The following FREM2 variants were observed in gnomAD, a reference collection of about 807,000 sequenced individuals.
The protein encoded by FREM2 is FRAS1-related extracellular matrix protein 2.
In FREM2, 119 loss-of-function variants were observed where a neutral mutation model predicts 219.9. The observed-to-expected ratio is 0.54, with a 90% CI of 0.47 to 0.63. The LOEUF (loss-of-function observed/expected upper bound fraction) is 0.63. FREM2 is among the 30% of genes least tolerant of loss of function. The pLI, the probability that FREM2 is intolerant of heterozygous loss-of-function variation, is 0.00. For synonymous variants in FREM2, 1,562 were observed against 1,522.8 expected (o/e 1.03, Z -0.60); for missense variants, 4,030 against 3,993.6 (o/e 1.01, Z -0.25).
At chr13:38,841,142 A>G (rs1223949304) in intron 6 of FREM2, among the ~76,000 whole-genome samples, 3 of 152,210 alleles carry the variant, frequency 2.0e-5, no homozygotes, top group Non-Finnish European at 2.9e-5. Flanking sequence ...TTAATATAGT[A>G]CACACCTCAG....
At chr13:38,822,080 A>C (rs1478247967) in intron 6 of FREM2, 1 of 152,174 alleles carries the variant, frequency 6.6e-6, no homozygotes, top group Non-Finnish European at 1.5e-5. Context: ...ACAATTCAGC[A>C]GTTCCTGAGT....
chr13:38,848,564 G>A lies in FREM2; in HGVS notation c.6273G>A (p.Ala2091=), dbSNP rs769687764. 1.9e-4 allele frequency: 300 copies of A among 1,613,930 alleles called. 1 individual carries two copies. Among genetic ancestry groups the A allele is most frequent in the Middle Eastern group, 3.3e-4 (2 of 6,082 alleles). The stretch of plus-strand genomic sequence containing the variant: ...TTCTGGATGACCTTGGACAACCAGC[G>A]CTGGAGGGAATTGAGAAATTTGAAC... ...VVILDDLGQP[A]LEGIEKFELV... is the part of the protein sequence containing the mutation. Residue 2091 remains alanine (A), a synonymous_variant, in exon 8 of 24, where the codon GCG becomes GCA. Coordinates refer to ENST00000280481, the MANE Select transcript of FREM2 (RefSeq NM_207361.6).
At chr13:38,787,457 T>C (rs1228666622) in intron 6 of FREM2, among the ~76,000 whole-genome samples, 3 of 152,194 alleles carry the variant, frequency 2.0e-5, no homozygotes, top group South Asian at 4.1e-4. Context: ...TTGGTTTCCA[T>C]TGCCACCAAT....
intron 9 of FREM2, 108 bp from the exon 10 acceptor site, chr13:38,850,836 C>T: frequency 1.7e-6 from 2 of 1,210,276 alleles, no homozygotes; most frequent in Non-Finnish European, 2.4e-6. Context: ...CTATTTATTG[C>T]ACTGATACAG....
At chr13:38,728,526 C>G (rs1205607608) in intron 2 of FREM2, among the ~76,000 whole-genome samples, 2 of 151,996 alleles carry the variant, frequency 1.3e-5, no homozygotes, top group Non-Finnish European at 2.9e-5. Context: ...TAACCTCAGC[C>G]ACCAGAGTAG....
At chr13:38,708,900 C>T (rs1870647516) in intron 2 of FREM2, among the ~76,000 whole-genome samples, 1 of 152,084 alleles carries the variant, frequency 6.6e-6, no homozygotes, top group Non-Finnish European at 1.5e-5. Flanking sequence ...GCTGGGATTA[C>T]AGGTGCCCGC....
At position 38,690,362 on chromosome 13, in the gene FREM2, A is replaced by G. The variant is rs1427322999; in HGVS notation, c.3018A>G (p.Gln1006=). Residue 1006 remains glutamine, a synonymous_variant, in exon 1 of 24, where the codon CAA becomes CAG. Transcript: ENST00000280481. ...VNGIPAEQFT[Q]RDILEGSVVY... is the part of the protein sequence containing the mutation. ...GCATTCCAGCAGAGCAGTTTACTCAAAGGGACATCTTGGAGGGCTCTGTTG... is the reference window on the plus strand; with the variant it reads ...GCATTCCAGCAGAGCAGTTTACTCAGAGGGACATCTTGGAGGGCTCTGTTG... 3 of 1,614,216 alleles carry G rather than the reference A, an allele frequency of 1.9e-6. No homozygotes were observed. The highest frequency in any genetic ancestry group is 2.5e-6 in the Non-Finnish European group (3 of 1,180,040).
chr13:38,865,966 A>G (rs938504241), intron 16 of FREM2, among the ~76,000 whole-genome samples: 1 of 152,208 alleles, frequency 6.6e-6, no homozygotes, highest in Non-Finnish European at 1.5e-5. Flanking sequence ...TTCAATCCCT[A>G]GAAGAAAAAT....
At chr13:38,784,184 GT>G (rs953153674) in intron 5 of FREM2, among the ~76,000 whole-genome samples, 2 of 152,250 alleles carry the variant, frequency 1.3e-5, no homozygotes, top group African/African-American at 4.8e-5. Context: ...GTTACCAAAT[GT>G]GTAAAGCCAG....
intron 5 of FREM2, 49 bp downstream of exon 5, chr13:38,783,244 A>T: frequency 5.0e-6 from 8 of 1,603,570 alleles, no homozygotes; most frequent in Non-Finnish European, 6.8e-6. Flanking sequence ...AGATATAAAT[A>T]AGCCTTTTTA....
At chr13:38,768,404 G>A (rs1216276769) in intron 3 of FREM2, among the ~76,000 whole-genome samples, 2 of 152,018 alleles carry the variant, frequency 1.3e-5, no homozygotes, top group East Asian at 1.9e-4. Context: ...AGCCTCCCCA[G>A]TAGCAAGGAC....
rs559180366 is a variant in FREM2, at chr13:38,802,182, G to A, written c.6019+17374G>A. On this transcript the variant is annotated intron_variant, in intron 6 of 23. Transcript: ENST00000280481. ...ATAAGCGAGGTGGGGTTGTTCCCCC[G>A]CCACCAGTGGAGTGCTCAGGTGTGG... Among the ~76,000 whole-genome samples the A allele has an allele frequency of 3.3e-4, 50 of 152,300 alleles. No homozygotes were observed. In the South Asian group the frequency reaches 8.7e-3, roughly 26 times the overall value.
chr13:38,743,314 A>AAT (rs1021054082), intron 2 of FREM2, among the ~76,000 whole-genome samples: 7 of 151,216 alleles, frequency 4.6e-5, no homozygotes, highest in Non-Finnish European at 7.4e-5. Flanking sequence ...GAGATATTTT[A>AAT]ATATATATAT....
intron 6 of FREM2, among the ~76,000 whole-genome samples, chr13:38,809,072 T>C (rs1280666167): frequency 6.6e-6 from 1 of 151,868 alleles, no homozygotes; most frequent in Admixed American, 6.6e-5. Flanking sequence ...TAGGCTTTAT[T>C]TTTTCATTTT....
chr13:38,809,714 T>C (rs1374319729), intron 6 of FREM2, among the ~76,000 whole-genome samples: 3 of 152,128 alleles, frequency 2.0e-5, no homozygotes, highest in South Asian at 2.1e-4. Flanking sequence ...GTTAGTACCA[T>C]GCTGTTTTGA....
At chr13:38,824,872 T>C (rs1345666764) in intron 6 of FREM2, among the ~76,000 whole-genome samples, 1 of 151,956 alleles carries the variant, frequency 6.6e-6, no homozygotes, top group African/African-American at 2.4e-5. Flanking sequence ...ATAAAGGCAA[T>C]TGAGTTTTGG....
At chr13:38,755,094 G>A (rs550133592) in intron 2 of FREM2, among the ~76,000 whole-genome samples, 2 of 151,898 alleles carry the variant, frequency 1.3e-5, no homozygotes, top group South Asian at 2.1e-4. Flanking sequence ...GTAGATACAG[G>A]GTTTCACCAT....
intron 2 of FREM2, among the ~76,000 whole-genome samples, chr13:38,729,024 G>A (rs1015365577): frequency 3.9e-5 from 6 of 152,080 alleles, no homozygotes; most frequent in Non-Finnish European, 7.4e-5. Flanking sequence ...TAGTAGAGAC[G>A]GGGTTTCCCC....
chr13:38,762,216 T>G (rs1873253046), intron 2 of FREM2, among the ~76,000 whole-genome samples: 1 of 151,988 alleles, frequency 6.6e-6, no homozygotes, highest in Non-Finnish European at 1.5e-5. Flanking sequence ...GAAACAGAGA[T>G]CCAGAGAAGT....
Sources: allele counts gnomAD v4.1 joint callset (sites outside exome capture counted in the v4.1 genomes callset), GRCh38; gene constraint gnomAD v4.1.1; transcripts MANE v1.5; gene names NCBI Gene and HGNC (gene_info 2026-07-23, HGNC 2026-07-21).